Variants in ARHGAP24 observed in about 807,000 individuals in gnomAD.
The protein encoded by ARHGAP24 is Rho GTPase activating protein 24, also known as rho GTPase-activating protein 24.
In ARHGAP24, 50 loss-of-function variants were observed where a neutral mutation model predicts 76.4. The observed-to-expected ratio is 0.65, with a 90% CI of 0.52 to 0.83. ARHGAP24 has a LOEUF of 0.83. Ranked by LOEUF, ARHGAP24 falls within the 40% of genes least tolerant of loss-of-function variation. The pLI is 0.00. For synonymous variants in ARHGAP24, 345 were observed against 323.3 expected (o/e 1.07, Z -0.72); for missense variants, 930 against 914.2 (o/e 1.02, Z -0.22).
chr4:85,727,528 T>G (rs1008286133), intron 3 of ARHGAP24, among the ~76,000 whole-genome samples: 1 of 152,162 alleles, frequency 6.6e-6, no homozygotes, highest in Non-Finnish European at 1.5e-5. Flanking sequence ...TCTTCCTTAT[T>G]ATGAATAAAG....
chr4:85,753,984 T>C (rs555092902), intron 3 of ARHGAP24, among the ~76,000 whole-genome samples: 1 of 152,352 alleles, frequency 6.6e-6, no homozygotes, highest in South Asian at 2.1e-4. Context: ...ATAATTTTTC[T>C]ATTGCCCTCT....
chr4:85,769,384 AT>A (rs1040432538), intron 3 of ARHGAP24, among the ~76,000 whole-genome samples: 2 of 152,036 alleles, frequency 1.3e-5, no homozygotes, highest in African/African-American at 4.8e-5. Flanking sequence ...AAGGATGGAG[AT>A]TTTTTTTGTG....
At chr4:85,794,920 G>A (rs1728282821) in intron 3 of ARHGAP24, among the ~76,000 whole-genome samples, 2 of 152,204 alleles carry the variant, frequency 1.3e-5, no homozygotes, top group Non-Finnish European at 2.9e-5. Context: ...ACATTGTTCT[G>A]CAGCTGATGA....
In ARHGAP24 at chr4:85,856,740, G is replaced by C. The variant is rs376988443; in HGVS notation, c.269-66908G>C. Reference sequence around the variant, plus strand: ...TCACCTTGGCCTCCTAAAGTTCTAGGACTACAGACATGAGCCACCGCGCCC... The same window carrying C: ...TCACCTTGGCCTCCTAAAGTTCTAGCACTACAGACATGAGCCACCGCGCCC... On this transcript the variant is annotated intron_variant, in intron 3 of 9. Coordinates refer to ENST00000395184, the MANE Select transcript of ARHGAP24 (RefSeq NM_001025616.3). 8.5e-5 allele frequency among the ~76,000 whole-genome samples: 13 copies of C among 152,110 alleles called. No homozygotes were observed. The East Asian group carries it at 2.5e-3, about 29-fold the overall frequency.
chr4:85,876,173 A>T (rs902333329), intron 3 of ARHGAP24, among the ~76,000 whole-genome samples: 13 of 152,124 alleles, frequency 8.5e-5, no homozygotes, highest in Non-Finnish European at 1.8e-4. Flanking sequence ...ATGTATACAC[A>T]CTCAGGGCAA....
rs79954134 is a variant in ARHGAP24 at position 85,603,752 on chromosome 4, G to A, written c.180+33031G>A. 1.5e-3 allele frequency among the ~76,000 whole-genome samples: 233 copies of A among 152,294 alleles called. 1 individual carries two copies. Among genetic ancestry groups the A allele is most frequent in the African/African-American group, 5.5e-3 (227 of 41,558 alleles). On this transcript the variant is annotated intron_variant, in intron 2 of 9. Transcript: ENST00000395184. ...GTTTCTAGTACTGTGCTAAGCGCTAGTGATACATTTATGAGATTGCACTAA... is the reference window on the plus strand; with the variant it reads ...GTTTCTAGTACTGTGCTAAGCGCTAATGATACATTTATGAGATTGCACTAA...
At chr4:85,724,491 G>GTA (rs60930279) in intron 3 of ARHGAP24, among the ~76,000 whole-genome samples, 977 of 10,358 alleles carry the variant, frequency 0.094, 17 homozygotes, top group Middle Eastern at 0.12. Flanking sequence ...TTCCATGTGT[G>GTA]TATATATATA....
At chr4:85,530,024 G>A (rs1202115744) in intron 1 of ARHGAP24, among the ~76,000 whole-genome samples, 2 of 151,832 alleles carry the variant, frequency 1.3e-5, no homozygotes, top group African/African-American at 4.8e-5. Flanking sequence ...TGAATATATG[G>A]AGAAAATGGA....
chr4:85,751,895 T>C (rs1248325708), intron 3 of ARHGAP24, among the ~76,000 whole-genome samples: 1 of 152,188 alleles, frequency 6.6e-6, no homozygotes, highest in Non-Finnish European at 1.5e-5. Flanking sequence ...ATACAGATAC[T>C]ACCTTAAAAA....
At chr4:85,802,381 T>C (rs2110105503) in intron 3 of ARHGAP24, among the ~76,000 whole-genome samples, 1 of 152,370 alleles carries the variant, frequency 6.6e-6, no homozygotes, top group African/African-American at 2.4e-5. Context: ...ATAACTCATG[T>C]CTACCTAACT....
intron 3 of ARHGAP24, among the ~76,000 whole-genome samples, chr4:85,855,655 G>T (rs1310756776): frequency 6.6e-6 from 1 of 151,578 alleles, no homozygotes; most frequent in Admixed American, 6.6e-5. Flanking sequence ...GCTGGGTGTG[G>T]TAATCCCAGC....
At chr4:85,964,690 T>C (rs1323493154) in intron 5 of ARHGAP24, among the ~76,000 whole-genome samples, 1 of 152,144 alleles carries the variant, frequency 6.6e-6, no homozygotes, top group Non-Finnish European at 1.5e-5. Flanking sequence ...ATCCATAATT[T>C]TTTTCAGTTT....
intron 2 of ARHGAP24, among the ~76,000 whole-genome samples, chr4:85,609,361 T>C (rs1221627336): frequency 6.6e-6 from 1 of 152,178 alleles, no homozygotes; most frequent in African/African-American, 2.4e-5. Context: ...CCTCGTCCAA[T>C]TGATCCTCCT....
At chr4:85,942,362 T>C in intron 5 of ARHGAP24, 89 bp downstream of exon 5, 2 of 1,412,770 alleles carry the variant, frequency 1.4e-6, no homozygotes, top group Non-Finnish European at 2.0e-6. Context: ...ATAACCTTGA[T>C]TGATGTGGTA....
chr4:85,635,937 C>T (rs1560563344), intron 2 of ARHGAP24, among the ~76,000 whole-genome samples: 1 of 151,740 alleles, frequency 6.6e-6, no homozygotes, highest in Non-Finnish European at 1.5e-5. Context: ...TTGCCTTATT[C>T]TCCTTGATTT....
intron 3 of ARHGAP24, among the ~76,000 whole-genome samples, chr4:85,896,933 G>A (rs567562637): frequency 3.3e-4 from 51 of 152,254 alleles, no homozygotes; most frequent in Admixed American, 1.0e-3. Flanking sequence ...GTCAGTCTCT[G>A]ACAAACATGG....
At chr4:85,986,094 G>A (rs1236825540) in intron 8 of ARHGAP24, among the ~76,000 whole-genome samples, 2 of 152,068 alleles carry the variant, frequency 1.3e-5, no homozygotes, top group Non-Finnish European at 2.9e-5. Context: ...TGAAAAACAT[G>A]GAGACTGCTT....
At chr4:85,986,262 G>A (rs1159412131) in intron 8 of ARHGAP24, among the ~76,000 whole-genome samples, 2 of 151,952 alleles carry the variant, frequency 1.3e-5, no homozygotes, top group Non-Finnish European at 2.9e-5. Flanking sequence ...TAATAGATAT[G>A]TGCTTTCAAG....
chr4:85,714,112 G>A (rs939244592), intron 2 of ARHGAP24, among the ~76,000 whole-genome samples: 10 of 152,088 alleles, frequency 6.6e-5, no homozygotes, highest in South Asian at 2.1e-4. Context: ...AGAAGTGACC[G>A]TATGGTAGCT....
Sources: allele counts gnomAD v4.1 joint callset (sites outside exome capture counted in the v4.1 genomes callset), GRCh38; gene constraint gnomAD v4.1.1; transcripts MANE v1.5; gene names NCBI Gene and HGNC (gene_info 2026-07-23, HGNC 2026-07-21).